The following PPP2R2C variants were observed in gnomAD, a reference collection of about 807,000 sequenced individuals.
The protein encoded by PPP2R2C is protein phosphatase 2 regulatory subunit Bgamma.
In PPP2R2C, 10 loss-of-function variants were observed where a neutral mutation model predicts 45.3. The ratio of observed to expected loss-of-function variants is 0.22; its 90% CI spans 0.14 to 0.37. The LOEUF (loss-of-function observed/expected upper bound fraction) is 0.37. Ranked by LOEUF, PPP2R2C falls within the 10% of genes least tolerant of loss-of-function variation. The pLI is 1.00. For missense variants in PPP2R2C, 308 were observed against 619.7 expected, an observed-to-expected ratio of 0.50 and a Z score of 5.34; for synonymous variants, 257 against 245.4, an observed-to-expected ratio of 1.05 and a Z score of -0.44.
chr4:6,371,478 C>T (rs1285274906), intron 5 of PPP2R2C, among the ~76,000 whole-genome samples: 1 of 152,214 alleles, frequency 6.6e-6, no homozygotes, highest in African/African-American at 2.4e-5. Flanking sequence ...CCCAGGCTGC[C>T]TGGAGTCGGG....
At chr4:6,386,026 T>C (rs4234739) in intron 1 of PPP2R2C, among the ~76,000 whole-genome samples, 142,304 of 152,244 alleles carry the variant, frequency 0.93, 66,593 homozygotes, top group East Asian at 1. Flanking sequence ...GATTACTGTC[T>C]GCCAGGCCCT....
chr4:6,445,829 C>G (rs1036498584), intron 1 of PPP2R2C, among the ~76,000 whole-genome samples: 1 of 152,202 alleles, frequency 6.6e-6, no homozygotes, highest in African/African-American at 2.4e-5. Context: ...CTCACACCAA[C>G]ATGATGTTCT....
At chr4:6,465,803 T>C (rs1486768999) in intron 1 of PPP2R2C, among the ~76,000 whole-genome samples, 1 of 152,238 alleles carries the variant, frequency 6.6e-6, no homozygotes, top group Non-Finnish European at 1.5e-5. Context: ...TGGATTTTGT[T>C]CTTACCAGAG....
At chr4:6,455,097 T>C (rs540259345) in intron 1 of PPP2R2C, among the ~76,000 whole-genome samples, 8 of 152,224 alleles carry the variant, frequency 5.3e-5, no homozygotes, top group South Asian at 2.1e-4. Flanking sequence ...GCAAGAGACA[T>C]AGAGACTGAT....
At chr4:6,347,600 C>T (rs112270047) in intron 6 of PPP2R2C, among the ~76,000 whole-genome samples, 54 of 152,262 alleles carry the variant, frequency 3.5e-4, no homozygotes, top group African/African-American at 1.2e-3. Flanking sequence ...GACCCTCGCC[C>T]TAGAGCCCTG....
chr4:6,354,350 C>G (rs1289149579), intron 5 of PPP2R2C, among the ~76,000 whole-genome samples: 1 of 152,106 alleles, frequency 6.6e-6, no homozygotes, highest in Non-Finnish European at 1.5e-5. Flanking sequence ...GTTGCCGGAG[C>G]ATTCCTAGTC....
intron 1 of PPP2R2C, among the ~76,000 whole-genome samples, chr4:6,390,243 T>C (rs1023814979): frequency 1.3e-5 from 2 of 149,496 alleles, no homozygotes; most frequent in African/African-American, 2.5e-5. Context: ...GTGCACACAC[T>C]GTGCCTGGGG....
intron 1 of PPP2R2C, chr4:6,382,052 C>T (rs1715837529): frequency 7.1e-7 from 1 of 1,403,782 alleles, no homozygotes. Flanking sequence ...AAGCCTGAGG[C>T]CTGCTCCACC....
At chr4:6,536,661 C>T (rs1315456772) in intron 1 of PPP2R2C, among the ~76,000 whole-genome samples, 1 of 152,234 alleles carries the variant, frequency 6.6e-6, no homozygotes, top group East Asian at 1.9e-4. Context: ...GGGGCAGCTC[C>T]ACAGGGGACA....
At chr4:6,553,315 C>T (rs1725246442) in intron 1 of PPP2R2C, among the ~76,000 whole-genome samples, 1 of 152,238 alleles carries the variant, frequency 6.6e-6, no homozygotes, top group South Asian at 2.1e-4. Flanking sequence ...ATGCAGCCTC[C>T]AGGGCACCAC....
intron 5 of PPP2R2C, chr4:6,348,549 A>C: frequency 1.3e-6 from 1 of 754,938 alleles, no homozygotes; most frequent in Non-Finnish European, 1.6e-6. Context: ...TTCTGACCAC[A>C]GTATGGAGAT....
chr4:6,512,257 G>GTGGTGT (rs1560595177), intron 2 of PPP2R2C, among the ~76,000 whole-genome samples: 58 of 51,774 alleles, frequency 1.1e-3, no homozygotes, highest in African/African-American at 2.9e-3. Context: ...GGTGGTGATG[G>GTGGTGT]TGGTGGTGGT....
upstream of PPP2R2C, among the ~76,000 whole-genome samples, chr4:6,476,907 T>C (rs996739581): frequency 1.3e-5 from 2 of 152,196 alleles, no homozygotes; most frequent in South Asian, 4.1e-4. Context: ...AGGTTGTTTG[T>C]TCAGTGTGGA....
chr4:6,507,054 T>C (rs922536965), intron 2 of PPP2R2C, among the ~76,000 whole-genome samples: 29 of 152,180 alleles, frequency 1.9e-4, no homozygotes, highest in Non-Finnish European at 3.5e-4. Flanking sequence ...GACTCCTAGG[T>C]GTCGGGCCTG....
chr4:6,393,838 T>G (rs1716827620), intron 1 of PPP2R2C, among the ~76,000 whole-genome samples: 1 of 152,188 alleles, frequency 6.6e-6, no homozygotes, highest in Non-Finnish European at 1.5e-5. Context: ...GTCAAGCTGC[T>G]GGGTTTGACT....
chr4:6,386,497 G>C (rs936231742), intron 1 of PPP2R2C, among the ~76,000 whole-genome samples: 6 of 152,214 alleles, frequency 3.9e-5, no homozygotes, highest in Non-Finnish European at 7.3e-5. Flanking sequence ...AACCCAGCCA[G>C]GGCTAGAAGA....
chr4:6,352,705 T>A (rs1008309823), intron 5 of PPP2R2C, among the ~76,000 whole-genome samples: 3 of 152,172 alleles, frequency 2.0e-5, no homozygotes, highest in Non-Finnish European at 2.9e-5. Flanking sequence ...CAATCCCATA[T>A]GCCTCAACTG....
At chr4:6,400,772 A>C (rs1257607446) in intron 1 of PPP2R2C, among the ~76,000 whole-genome samples, 10 of 152,242 alleles carry the variant, frequency 6.6e-5, no homozygotes, top group Admixed American at 6.5e-4. Flanking sequence ...TCAAAGGAGA[A>C]GTTAAGGTTG....
chr4:6,346,301 T>C (rs761561390), intron 6 of PPP2R2C, among the ~76,000 whole-genome samples: 38 of 152,284 alleles, frequency 2.5e-4, no homozygotes, highest in Admixed American at 6.5e-4. Context: ...AGTCCCTCCC[T>C]TGACCTACAG....
Sources: gnomAD v4.1 joint callset for allele counts (sites outside exome capture counted in the v4.1 genomes callset) on GRCh38, gnomAD v4.1.1 for gene constraint, MANE v1.5 for transcripts, NCBI Gene and HGNC (gene_info 2026-07-23, HGNC 2026-07-21) for gene names.